BEST3: variants seen among roughly 807,000 people sequenced by gnomAD.
BEST3 encodes the protein bestrophin 3.
Under a neutral mutation model 47.1 loss-of-function variants are expected in BEST3, and 50 were observed. That is an observed-to-expected ratio of 1.06 (90% confidence interval 0.85 to 1.34). The LOEUF (loss-of-function observed/expected upper bound fraction) is 1.34, where lower values mean the gene tolerates loss of function less well. Ranked by LOEUF, BEST3 falls within the 40% of genes most tolerant of loss-of-function variation. BEST3 has a pLI of 0.00. For missense variants in BEST3, 765 were observed against 817.0 expected (o/e 0.94, Z 0.78); for synonymous variants, 282 against 298.8 (o/e 0.94, Z 0.58).
intron 4 of BEST3, among the ~76,000 whole-genome samples, chr12:69,682,424 C>T (rs1885310409): frequency 6.6e-6 from 1 of 152,178 alleles, no homozygotes; most frequent in African/African-American, 2.4e-5. Context: ...TCTCTCCATG[C>T]CTGGAGAATG....
intron 9 of BEST3, among the ~76,000 whole-genome samples, chr12:69,665,063 G>C (rs1884107162): frequency 6.6e-6 from 1 of 150,656 alleles, no homozygotes; most frequent in Non-Finnish European, 1.5e-5. Context: ...GAGTCTTAAT[G>C]GCTCTGTCCA....
At chr12:69,688,894 C>T (rs952659092) in intron 4 of BEST3, among the ~76,000 whole-genome samples, 7 of 152,102 alleles carry the variant, frequency 4.6e-5, no homozygotes, top group African/African-American at 1.2e-4. Context: ...GGAGTGGTAT[C>T]GTGGGATCCA....
intron 4 of BEST3, among the ~76,000 whole-genome samples, chr12:69,686,909 A>G (rs2136022313): frequency 6.6e-6 from 1 of 152,334 alleles, no homozygotes; most frequent in South Asian, 2.1e-4. Context: ...TTTCACCAAG[A>G]AAGCAATGAT....
chr12:69,696,661 T>G lies in BEST3; in HGVS notation c.152+986A>C, dbSNP rs548534409. On this transcript the variant is annotated intron_variant, in intron 2 of 9. Coordinates refer to ENST00000330891, the MANE Select transcript of BEST3 (RefSeq NM_032735.3). ...TGTGGAAAAATAGCTGTACCTATTT[T>G]ACTTTTAATAATTATCAGTCAACTA... Among the ~76,000 whole-genome samples, 31 of 152,322 alleles carry G rather than the reference T, an allele frequency of 2.0e-4. No homozygotes were observed. In the South Asian group the frequency reaches 6.4e-3, roughly 32 times the overall value.
intron 9 of BEST3, among the ~76,000 whole-genome samples, chr12:69,667,285 C>T (rs1352098976): frequency 1.3e-5 from 2 of 152,068 alleles, no homozygotes; most frequent in African/African-American, 2.4e-5. Context: ...GCTCCTAATT[C>T]ATTCTTTTTT....
chr12:69,652,440 T>C (rs974972958), downstream of BEST3, among the ~76,000 whole-genome samples: 13 of 152,206 alleles, frequency 8.5e-5, no homozygotes, highest in Admixed American at 6.5e-5. Context: ...TTAGAATTAA[T>C]AGAGAATTTC....
chr12:69,643,919 G>A, intron 9 of BEST3: 1 of 505,766 alleles, frequency 2.0e-6, no homozygotes, highest in South Asian at 3.1e-5. Flanking sequence ...TCAGTGTTCT[G>A]AAGCATGGTC....
At chr12:69,659,324 T>TAAG (rs2135924581) in intron 9 of BEST3, among the ~76,000 whole-genome samples, 1 of 152,314 alleles carries the variant, frequency 6.6e-6, no homozygotes, top group South Asian at 2.1e-4. Context: ...AGCTGTGCTT[T>TAAG]AAGAACAAAA....
At chr12:69,696,060 T>C (rs1886121790) in intron 2 of BEST3, among the ~76,000 whole-genome samples, 1 of 152,152 alleles carries the variant, frequency 6.6e-6, no homozygotes, top group African/African-American at 2.4e-5. Flanking sequence ...ATAGAGCTAA[T>C]AAAGACTTAG....
intron 7 of BEST3, among the ~76,000 whole-genome samples, chr12:69,673,988 A>G (rs1353011487): frequency 6.6e-6 from 1 of 152,170 alleles, no homozygotes; most frequent in Non-Finnish European, 1.5e-5. Context: ...AGGTTTATGT[A>G]TAAAATACAA....
downstream of BEST3, among the ~76,000 whole-genome samples, chr12:69,651,869 G>A (rs533082268): frequency 6.6e-6 from 1 of 151,810 alleles, no homozygotes; most frequent in South Asian, 2.1e-4. Flanking sequence ...AAAAACAAGA[G>A]GAGTATTTCT....
intron 9 of BEST3, among the ~76,000 whole-genome samples, chr12:69,656,314 C>T (rs1883489930): frequency 6.6e-6 from 1 of 152,036 alleles, no homozygotes; most frequent in Non-Finnish European, 1.5e-5. Context: ...TTGAGAATCA[C>T]CGATCTAGAG....
chr12:69,655,101 T>G lies in BEST3; in HGVS notation c.1813A>C (p.Asn605His). 1 of 1,614,180 alleles carries G rather than the reference T, an allele frequency of 6.2e-7. No individual in the cohort carries two copies. Among genetic ancestry groups the G allele is most frequent in the Non-Finnish European group, 8.5e-7 (1 of 1,180,026 alleles). ...GAGCTCATGGGGTCTGGACTTAGGT[T>G]TCCCAGGGAAGTGTGGCTGGACCCC... ...FLGSSHTSLG[N>H]LSPDPMSSQP... is the part of the protein sequence containing the mutation. Residue 605 changes from asparagine to histidine, a missense_variant, in exon 10 of 10, where the codon AAC (asparagine) becomes CAC (histidine). Transcript: ENST00000330891.
At position 69,655,758 on chromosome 12, in the gene BEST3, C is replaced by T. The variant is rs769812693; in HGVS notation, c.1156G>A (p.Gly386Ser). 4.3e-5 allele frequency: 70 copies of T among 1,613,564 alleles called. No homozygotes were observed. Among genetic ancestry groups the T allele is most frequent in the Non-Finnish European group, 5.7e-5 (67 of 1,179,836 alleles). Residue 386 changes from glycine to serine, a missense_variant, in exon 10 of 10, where the codon GGC (glycine) becomes AGC (serine). By Grantham distance (56) the Gly-to-Ser change is moderately conservative. Transcript: ENST00000330891. ...CTTCTTATCATGGAATGCCGATGGC[C>T]ATGCTTCTCATAATCCCACAGCCAC... Reference protein sequence around the residue: ...EEWLWDYEKHGHRHSMIRRVK... With the variant: ...EEWLWDYEKHSHRHSMIRRVK...
At chr12:69,679,086 C>A in intron 4 of BEST3, among the ~76,000 whole-genome samples, 193 bp from the exon 5 acceptor site, 1 of 152,064 alleles carries the variant, frequency 6.6e-6, no homozygotes, top group East Asian at 1.9e-4. Context: ...CATGCACACA[C>A]ACATACATAT....
chr12:69,655,155 G>C lies in BEST3; in HGVS notation c.1759C>G (p.Leu587Val). 6.2e-7 allele frequency: 1 copy of C among 1,614,168 alleles called. No homozygotes were observed. The highest frequency in any genetic ancestry group is 8.5e-7 in the Non-Finnish European group (1 of 1,180,014). Residue 587 changes from leucine (L) to valine (V), a missense_variant, in exon 10 of 10, where the codon CTA (leucine) becomes GTA (valine). Leu to Val is a conservative substitution (Grantham distance 32, BLOSUM62 1). Coordinates refer to ENST00000330891, the MANE Select transcript of BEST3 (RefSeq NM_032735.3). The stretch of plus-strand genomic sequence containing the variant: ...AATCCCGGAAGACTCCACCTTTTTA[G>C]AAAGGTATCACCAGGGTCTTCTTCA... The part of the protein sequence containing the change: ...NCEEDPGDTF[L>V]KRWSLPGFLG...
At chr12:69,643,816 T>G (rs139516290) in intron 9 of BEST3, 1 of 702,046 alleles carries the variant, frequency 1.4e-6, no homozygotes, top group Non-Finnish European at 2.6e-6. Context: ...GGGAGAATGG[T>G]CTTTTCTTTC....
At chr12:69,672,737 C>T (rs1351223810) in intron 8 of BEST3, 148 bp downstream of exon 8, 1 of 588,370 alleles carries the variant, frequency 1.7e-6, no homozygotes, top group East Asian at 2.8e-5. Flanking sequence ...CTGAAAGGAC[C>T]TGAGACAGCA....
intron 9 of BEST3, among the ~76,000 whole-genome samples, chr12:69,668,118 A>G (rs896595715): frequency 6.6e-6 from 1 of 152,152 alleles, no homozygotes; most frequent in African/African-American, 2.4e-5. Context: ...GCTGGCTGGG[A>G]GGCAGGTCTT....
Sources: gnomAD v4.1 joint callset for allele counts (sites outside exome capture counted in the v4.1 genomes callset) on GRCh38, gnomAD v4.1.1 for gene constraint, MANE v1.5 for transcripts, NCBI Gene and HGNC (gene_info 2026-07-23, HGNC 2026-07-21) for gene names.